Variants in PSTPIP2 observed in about 807,000 individuals in gnomAD.
The protein encoded by PSTPIP2 is proline-serine-threonine phosphatase-interacting protein 2.
A neutral mutation model predicts 63.3 loss-of-function variants in PSTPIP2; 33 were observed. The ratio of observed to expected loss-of-function variants is 0.52; its 90% CI spans 0.40 to 0.70. The LOEUF is 0.70. PSTPIP2 is among the 30% of genes least tolerant of loss of function. PSTPIP2 has a pLI of 0.00. For missense variants in PSTPIP2, 312 were observed against 400.7 expected, an observed-to-expected ratio of 0.78 and a Z score of 1.89; for synonymous variants, 125 against 132.7, an observed-to-expected ratio of 0.94 and a Z score of 0.40.
intron 6 of PSTPIP2, among the ~76,000 whole-genome samples, chr18:46,000,946 G>A (rs2051658240): frequency 1.3e-5 from 2 of 152,226 alleles, no homozygotes; most frequent in South Asian, 2.1e-4. Context: ...GGTTGACTAA[G>A]ATAAATAAAG....
chr18:46,022,610 T>C (rs1318691060), intron 3 of PSTPIP2, among the ~76,000 whole-genome samples: 3 of 152,140 alleles, frequency 2.0e-5, no homozygotes, highest in Non-Finnish European at 4.4e-5. Flanking sequence ...TTATAAATTA[T>C]TAAAAATTTC....
chr18:46,060,057 G>A (rs149056461), intron 1 of PSTPIP2, among the ~76,000 whole-genome samples: 1,608 of 152,202 alleles, frequency 0.011, 10 homozygotes, highest in Middle Eastern at 0.027. Flanking sequence ...AAATTAAAAT[G>A]AGGTCTTGTT....
At chr18:46,036,291 C>A (rs1034954065) in intron 2 of PSTPIP2, among the ~76,000 whole-genome samples, 1 of 150,314 alleles carries the variant, frequency 6.7e-6, no homozygotes, top group African/African-American at 2.4e-5. Flanking sequence ...ATTATTGTAA[C>A]AATTAGTTGT....
intron 5 of PSTPIP2, among the ~76,000 whole-genome samples, chr18:46,007,159 G>C (rs1286515033): frequency 6.6e-6 from 1 of 152,236 alleles, no homozygotes; most frequent in Non-Finnish European, 1.5e-5. Context: ...CTTCCAGACA[G>C]AGAAAACTTA....
At chr18:46,027,683 C>G (rs956602881) in intron 2 of PSTPIP2, among the ~76,000 whole-genome samples, 1 of 151,528 alleles carries the variant, frequency 6.6e-6, no homozygotes, top group Admixed American at 6.6e-5. Context: ...AAGTAAGACC[C>G]TGTATAAAAT....
chr18:46,026,166 C>A (rs188911368), intron 2 of PSTPIP2, among the ~76,000 whole-genome samples: 1 of 152,344 alleles, frequency 6.6e-6, no homozygotes, highest in African/African-American at 2.4e-5. Flanking sequence ...AAAGTCTTCT[C>A]AATTTCTACT....
At chr18:46,057,924 G>A (rs1908825882) in intron 1 of PSTPIP2, among the ~76,000 whole-genome samples, 1 of 151,122 alleles carries the variant, frequency 6.6e-6, no homozygotes, top group African/African-American at 2.4e-5. Context: ...CGTGAACCCG[G>A]GAGGCGGAGC....
intron 5 of PSTPIP2, 66 bp downstream of exon 5, chr18:46,011,115 G>A: frequency 1.5e-6 from 2 of 1,348,972 alleles, no homozygotes; most frequent in South Asian, 2.3e-5. Context: ...GGAGTATAAT[G>A]AACAAACAAG....
intron 3 of PSTPIP2, among the ~76,000 whole-genome samples, chr18:46,023,270 A>C (rs1281940653): frequency 1.3e-5 from 2 of 152,080 alleles, no homozygotes; most frequent in Non-Finnish European, 2.9e-5. Flanking sequence ...CTTAAAATAA[A>C]AGTTTTTTCG....
At chr18:45,997,905 A>G (rs1003498913) in intron 8 of PSTPIP2, 77 bp from the exon 9 acceptor site, 21 of 1,268,664 alleles carry the variant, frequency 1.7e-5, no homozygotes, top group Non-Finnish European at 2.4e-5. Flanking sequence ...GGCTGGTCTC[A>G]GATGGCAAAA....
At chr18:46,008,513 T>C (rs2051757248) in intron 5 of PSTPIP2, among the ~76,000 whole-genome samples, 3 of 151,808 alleles carry the variant, frequency 2.0e-5, no homozygotes, top group African/African-American at 7.3e-5. Flanking sequence ...GGTTTTGCCA[T>C]GTTGGCCAGG....
chr18:46,056,108 AGCCCTGC>A (rs772072371), intron 1 of PSTPIP2, among the ~76,000 whole-genome samples: 5 of 152,178 alleles, frequency 3.3e-5, no homozygotes, highest in Non-Finnish European at 5.9e-5. Flanking sequence ...ACAGCTCCAC[AGCCCTGC>A]AGGGGCTGGG....
intron 10 of PSTPIP2, among the ~76,000 whole-genome samples, chr18:45,993,285 G>A (rs2051558617): frequency 6.6e-6 from 1 of 152,074 alleles, no homozygotes; most frequent in South Asian, 2.1e-4. Context: ...AGTAGAGACG[G>A]AGTTTCACCA....
rs972045586 is a variant in PSTPIP2, at chr18:46,001,734, AT to A, written c.418-2201del. ...TTCTATGTTCTGTCTCCCTTTCATTATTTTTTTTTAATTTAAAAAAATTTTT... is the reference window on the plus strand; with the variant it reads ...TTCTATGTTCTGTCTCCCTTTCATTATTTTTTTTAATTTAAAAAAATTTTT... On this transcript the variant is annotated intron_variant, in intron 6 of 14. Transcript: ENST00000409746. Among the ~76,000 whole-genome samples the A allele has an allele frequency of 4.3e-3, 650 of 151,306 alleles. 7 individuals carry two copies. Among genetic ancestry groups the A allele is most frequent in the African/African-American group, 0.013 (548 of 41,248 alleles).
intron 14 of PSTPIP2, among the ~76,000 whole-genome samples, chr18:45,987,697 C>A (rs1275159937): frequency 6.6e-6 from 1 of 152,102 alleles, no homozygotes; most frequent in African/African-American, 2.4e-5. Context: ...CCAAGATAAG[C>A]CCACTGGGGT....
intron 6 of PSTPIP2, among the ~76,000 whole-genome samples, chr18:46,002,913 T>C (rs1270913243): frequency 6.6e-6 from 1 of 152,260 alleles, no homozygotes; most frequent in African/African-American, 2.4e-5. Context: ...TGTCTTTCTT[T>C]TCATGGAGTT....
intron 1 of PSTPIP2, among the ~76,000 whole-genome samples, chr18:46,060,797 C>T (rs550958823): frequency 1.2e-4 from 18 of 152,368 alleles, no homozygotes; most frequent in African/African-American, 4.3e-4. Flanking sequence ...TCTACAATAA[C>T]TTGCTGAGCC....
intron 1 of PSTPIP2, among the ~76,000 whole-genome samples, chr18:46,047,656 C>A (rs1908433523): frequency 6.6e-6 from 1 of 152,014 alleles, no homozygotes; most frequent in South Asian, 2.1e-4. Context: ...CGCCTTTGCA[C>A]TCCAGCCTGG....
intron 3 of PSTPIP2, among the ~76,000 whole-genome samples, chr18:46,020,854 T>C (rs1386042398): frequency 3.3e-5 from 5 of 152,362 alleles, no homozygotes; most frequent in Non-Finnish European, 7.3e-5. Context: ...AAGAACTGTG[T>C]TACAGTCTGT....
Sources: gnomAD v4.1 joint callset for allele counts (sites outside exome capture counted in the v4.1 genomes callset) on GRCh38, gnomAD v4.1.1 for gene constraint, MANE v1.5 for transcripts, NCBI Gene and HGNC (gene_info 2026-07-23, HGNC 2026-07-21) for gene names.